The following SEMA3D variants were observed in gnomAD, a reference collection of about 807,000 sequenced individuals.
SEMA3D encodes semaphorin 3D, also known as semaphorin-3D.
Under a neutral mutation model 100.1 loss-of-function variants are expected in SEMA3D, and 84 were observed. The observed-to-expected ratio is 0.84, with a 90% CI of 0.70 to 1.01. The LOEUF (loss-of-function observed/expected upper bound fraction) is 1.01, where lower values mean the gene tolerates loss of function less well. Among genes scored for constraint, SEMA3D ranks in the 50% least tolerant of loss-of-function variants. SEMA3D has a pLI of 0.00. For synonymous variants in SEMA3D, 312 were observed against 320.7 expected, an observed-to-expected ratio of 0.97 and a Z score of 0.29; for missense variants, 875 against 934.1, an observed-to-expected ratio of 0.94 and a Z score of 0.82.
intron 2 of SEMA3D, chr7:85,141,552 T>C: frequency 1.0e-6 from 1 of 984,756 alleles, no homozygotes; most frequent in Non-Finnish European, 1.2e-6. Flanking sequence ...CTAAGGATAG[T>C]CTTAACTATT....
chr7:85,065,924 G>T lies in SEMA3D; in HGVS notation c.590-372C>A, dbSNP rs142153094. 1.6e-3 allele frequency among the ~76,000 whole-genome samples: 247 copies of T among 152,184 alleles called. 1 individual carries two copies. The highest frequency in any genetic ancestry group is 3.4e-3 in the Middle Eastern group (1 of 294). ...GAATAAGACACAAAAAATATGAAAA[G>T]CTAAATGCCATAATGAGGAATGGAT... On this transcript the variant is annotated intron_variant, in intron 7 of 18. Coordinates refer to ENST00000284136, the MANE Select transcript of SEMA3D (RefSeq NM_001384900.1).
At chr7:85,117,763 A>AGTATGTATGTATGTAT (rs35480171) in intron 3 of SEMA3D, among the ~76,000 whole-genome samples, 3 of 145,806 alleles carry the variant, frequency 2.1e-5, no homozygotes, top group Non-Finnish European at 4.5e-5. Flanking sequence ...ACAGAGCAAG[A>AGTATGTATGTATGTAT]GTATGTATGT....
intron 5 of SEMA3D, among the ~76,000 whole-genome samples, chr7:85,077,122 A>AT (rs11371801): frequency 5.3e-5 from 8 of 150,886 alleles, no homozygotes; most frequent in Non-Finnish European, 1.0e-4. Flanking sequence ...AAAAAAAAAA[A>AT]CTTTAAAATA....
chr7:85,224,414 G>A, the SEMA3D span, among the ~76,000 whole-genome samples: 2 of 152,102 alleles, frequency 1.3e-5, no homozygotes, highest in Admixed American at 1.3e-4. Context: ...TTGCAACATA[G>A]ACTGCATCAC....
rs1202008926 is a variant in SEMA3D, at chr7:85,012,842, C to T, written c.1708G>A (p.Ala570Thr). 1.9e-6 allele frequency: 3 copies of T among 1,610,066 alleles called. No individual in the cohort carries two copies. Among genetic ancestry groups the T allele is most frequent in the Non-Finnish European group, 2.5e-6 (3 of 1,177,198 alleles). ...CCATATTTTACATCTTGGCGTCTAGCTCTCCTGCGGAAAGGGGATTAAACT... is the reference window on the plus strand; with the variant it reads ...CCATATTTTACATCTTGGCGTCTAGTTCTCCTGCGGAAAGGGGATTAAACT... ...SRYAPTSKRR[A>T]RRQDVKYGDP... is the part of the protein sequence containing the mutation. The change falls in exon 17 of 19, where the codon GCT becomes ACT. Residue 570 changes from alanine to threonine, a missense_variant. By Grantham distance (58) the Ala-to-Thr change is moderately conservative. Coordinates refer to ENST00000284136, the MANE Select transcript of SEMA3D (RefSeq NM_001384900.1).
chr7:85,130,947 A>G (rs1789709767), intron 2 of SEMA3D, among the ~76,000 whole-genome samples: 2 of 152,106 alleles, frequency 1.3e-5, no homozygotes, highest in African/African-American at 4.8e-5. Context: ...ACTGTGGCTC[A>G]TGTTTCTCAC....
chr7:85,080,356 CCTT>C (rs1322063070), intron 5 of SEMA3D, among the ~76,000 whole-genome samples: 1 of 152,042 alleles, frequency 6.6e-6, no homozygotes, highest in South Asian at 2.1e-4. Context: ...AGATTATTAG[CCTT>C]CTGAGCGTCC....
rs868336551 is a variant in SEMA3D at position 85,070,157 on chromosome 7, C to T, written c.496-1873G>A. Reference sequence around the variant, plus strand: ...ACTGGAACCATATTTCAAACTATGGCCATCTGTCCTCAACTTACTATTAGA... The same window carrying T: ...ACTGGAACCATATTTCAAACTATGGTCATCTGTCCTCAACTTACTATTAGA... On this transcript the variant is annotated intron_variant, in intron 6 of 18. Transcript: ENST00000284136. 2.6e-5 allele frequency among the ~76,000 whole-genome samples: 4 copies of T among 152,302 alleles called. No homozygotes were observed. The East Asian group carries it at 7.7e-4, about 29-fold the overall frequency.
intron 3 of SEMA3D, among the ~76,000 whole-genome samples, chr7:85,100,481 T>A (rs968834712): frequency 1.3e-5 from 2 of 151,930 alleles, no homozygotes; most frequent in Non-Finnish European, 2.9e-5. Flanking sequence ...GCTAATAAGG[T>A]AATAATATTC....
At chr7:85,065,590 T>C (rs1054530411) in intron 7 of SEMA3D, 38 bp from the exon 8 acceptor site, 2 of 1,565,174 alleles carry the variant, frequency 1.3e-6, no homozygotes, top group African/African-American at 2.7e-5. Context: ...CTTTTAAGAG[T>C]ACAGCAGTAG....
At chr7:85,183,117 G>A (rs1791446849) in intron 1 of SEMA3D, among the ~76,000 whole-genome samples, 1 of 152,126 alleles carries the variant, frequency 6.6e-6, no homozygotes, top group Non-Finnish European at 1.5e-5. Flanking sequence ...CCTTGAGATT[G>A]AGAATTTGAT....
rs1405778553 is a variant in SEMA3D at position 85,073,063 on chromosome 7, T to C, written c.394A>G (p.Ile132Val). The stretch of plus-strand genomic sequence containing the variant: ...TTGTTATAGGGCTGAAGTACTCTGA[T>C]GAAATTTGCACATTCTGTCTGTTGG... The part of the protein sequence containing the change: ...KDANTECANF[I>V]RVLQPYNKTH... The change falls in exon 6 of 19, where the codon ATC becomes GTC. Residue 132 changes from isoleucine (I) to valine (V), a missense_variant. Transcript: ENST00000284136. The C allele has an allele frequency of 6.2e-7, 1 of 1,612,704 alleles. No individual in the cohort carries two copies. The highest frequency in any genetic ancestry group is 1.3e-5 in the African/African-American group (1 of 74,870).
chr7:85,165,761 A>C (rs1790887376), intron 1 of SEMA3D, among the ~76,000 whole-genome samples: 1 of 152,146 alleles, frequency 6.6e-6, no homozygotes, highest in African/African-American at 2.4e-5. Context: ...CCTGACAATT[A>C]TTCTCATATA....
chr7:85,235,231 T>C, the SEMA3D span, among the ~76,000 whole-genome samples: 2 of 152,206 alleles, frequency 1.3e-5, no homozygotes, highest in Non-Finnish European at 2.9e-5. Context: ...TATATACACA[T>C]TATTTCTCTT....
At chr7:85,236,281 TTTTA>T in the SEMA3D span, among the ~76,000 whole-genome samples, 15,893 of 131,586 alleles carry the variant, frequency 0.12, 936 homozygotes, top group East Asian at 0.21. Flanking sequence ...TTTTATTTTA[TTTTA>T]TTTATTTATT....
chr7:85,129,922 C>A (rs970344132), intron 2 of SEMA3D, among the ~76,000 whole-genome samples: 3 of 152,020 alleles, frequency 2.0e-5, no homozygotes, highest in South Asian at 2.1e-4. Flanking sequence ...AACACATGTA[C>A]TGTTAAGATC....
chr7:85,200,012 T>C, the SEMA3D span, among the ~76,000 whole-genome samples: 1 of 152,226 alleles, frequency 6.6e-6, no homozygotes, highest in Non-Finnish European at 1.5e-5. Flanking sequence ...GATTTACTTC[T>C]CCTTGCCTTT....
chr7:85,013,406 TA>T (rs1790011907), intron 16 of SEMA3D, among the ~76,000 whole-genome samples: 1 of 151,766 alleles, frequency 6.6e-6, no homozygotes, highest in Non-Finnish European at 1.5e-5. Flanking sequence ...TGCTGATGAG[TA>T]GCTCAAATTG....
intron 13 of SEMA3D, 120 bp downstream of exon 13, chr7:85,022,271 G>A (rs1316993688): frequency 4.4e-6 from 3 of 676,484 alleles, no homozygotes; most frequent in East Asian, 5.3e-5. Flanking sequence ...ATGCTGACAA[G>A]GTTTTATCTA....
Sources: gnomAD v4.1 joint callset for allele counts (sites outside exome capture counted in the v4.1 genomes callset) on GRCh38, gnomAD v4.1.1 for gene constraint, MANE v1.5 for transcripts, NCBI Gene and HGNC (gene_info 2026-07-23, HGNC 2026-07-21) for gene names.